Variants in RAP1B observed in about 807,000 individuals in gnomAD.
RAP1B encodes the protein RAP1B, member of RAS oncogene family.
Under a neutral mutation model 27.5 loss-of-function variants are expected in RAP1B, and 1 was observed. The observed-to-expected ratio is 0.04, with a 90% CI of 0.01 to 0.17. RAP1B has a LOEUF of 0.17. Among genes scored for constraint, RAP1B ranks in the 10% least tolerant of loss-of-function variants. The pLI is 1.00. For missense variants in RAP1B, 84 were observed against 214.8 expected, an observed-to-expected ratio of 0.39 and a Z score of 3.81; for synonymous variants, 75 against 73.1, an observed-to-expected ratio of 1.03 and a Z score of -0.13.
At chr12:68,637,346 C>A (rs1470441442) in intron 1 of RAP1B, among the ~76,000 whole-genome samples, 1 of 152,026 alleles carries the variant, frequency 6.6e-6, no homozygotes, top group Non-Finnish European at 1.5e-5. Flanking sequence ...GCCTGTAATC[C>A]CAGCACTTTG....
intron 1 of RAP1B, among the ~76,000 whole-genome samples, chr12:68,627,652 C>CCAAACTACAT (rs563357543): frequency 1.9e-3 from 293 of 152,200 alleles, no homozygotes; most frequent in African/African-American, 6.5e-3. Context: ...CCCATACCAG[C>CCAAACTACAT]CAAACTACAT....
intron 1 of RAP1B, among the ~76,000 whole-genome samples, chr12:68,638,595 ATATT>A (rs1338938851): frequency 7.2e-5 from 11 of 152,204 alleles, no homozygotes. Context: ...TAGAGAAATA[ATATT>A]TAGATTATAT....
At position 68,610,954 on chromosome 12, in the gene RAP1B, C is replaced by T. The variant is rs999875387; in HGVS notation, c.-116C>T. The T allele has an allele frequency of 1.3e-5, 4 of 312,730 alleles. No homozygotes were observed. The highest frequency in any genetic ancestry group is 4.5e-5 in the East Asian group (1 of 22,056). The allele number at this position is 312,730 out of a possible 1,614,324, so 19.4% of individuals were successfully genotyped here. ...GTGTAAACCAGCCGGAGCGGCGCGG[C>T]AGCGGCAGGACCGCCGTGGCGCCTA... On this transcript the variant is annotated 5_prime_UTR_variant, in exon 1 of 8. Coordinates refer to ENST00000250559, the MANE Select transcript of RAP1B (RefSeq NM_001010942.3).
At chr12:68,634,676 A>G (rs1244098966) in intron 1 of RAP1B, among the ~76,000 whole-genome samples, 3 of 152,164 alleles carry the variant, frequency 2.0e-5, no homozygotes, top group Non-Finnish European at 4.4e-5. Context: ...CGGCTGAGAA[A>G]TCTATTAAAC....
rs576308933 is a variant in RAP1B at position 68,616,735 on chromosome 12, G to T, written c.-27+5692G>T. On this transcript the variant is annotated intron_variant, in intron 1 of 7. Transcript: ENST00000250559. Reference sequence around the variant, plus strand: ...AGGCATGAGCCACCGCGCCCGGCCAGGTTTTGTATTTTTTGTAGAGACGTT... The same window carrying T: ...AGGCATGAGCCACCGCGCCCGGCCATGTTTTGTATTTTTTGTAGAGACGTT... Among the ~76,000 whole-genome samples the T allele has an allele frequency of 6.5e-4, 99 of 151,932 alleles. 1 individual carries two copies. Among genetic ancestry groups the T allele is most frequent in the African/African-American group, 2.2e-3 (93 of 41,410 alleles).
intron 1 of RAP1B, among the ~76,000 whole-genome samples, chr12:68,623,818 C>G (rs566053493): frequency 1.3e-5 from 2 of 152,176 alleles, no homozygotes; most frequent in Admixed American, 1.3e-4. Context: ...GTCAGGAGAT[C>G]GAGACCATCC....
In RAP1B at chr12:68,664,231, G is replaced by GATCAAAAGCCTCTA. The variant is rs1475989632; in HGVS notation, c.*4985_*4998dup. ...AGGTTTCAGTTTTTAAATAGGCAGAGATCAAAAGCCTCTAATGTTTTTGTC... is the reference window on the plus strand; with the variant it reads ...AGGTTTCAGTTTTTAAATAGGCAGAGATCAAAAGCCTCTAATCAAAAGCCTCTAATGTTTTTGTC... On this transcript the variant is annotated 3_prime_UTR_variant, in exon 8 of 8. Coordinates refer to ENST00000250559, the MANE Select transcript of RAP1B (RefSeq NM_001010942.3). The GATCAAAAGCCTCTA allele has an allele frequency of 6.6e-6, 1 of 152,128 alleles. No homozygotes were observed. The highest frequency in any genetic ancestry group is 2.4e-5 in the African/African-American group (1 of 41,426). The allele number at this position is 152,128 out of a possible 1,614,324, so 9.4% of individuals were successfully genotyped here.
rs535461606 is a variant in RAP1B at position 68,635,097 on chromosome 12, G to A, written c.-26-13602G>A. On this transcript the variant is annotated intron_variant, in intron 1 of 7. Transcript: ENST00000250559. ...TCCATGTGTCCTCATTATGAGAGAG[G>A]CAGACAACTCAAAGTAAATATGATA... 3.3e-5 allele frequency among the ~76,000 whole-genome samples: 5 copies of A among 152,304 alleles called. No homozygotes were observed. In the South Asian group the frequency reaches 8.3e-4, roughly 25 times the overall value.
In RAP1B at chr12:68,663,062, C is replaced by CT. The variant is rs1278401980; in HGVS notation, c.*3818dup. ...ACACATTTGAATTTTCTTTTTTTTT[C>CT]TTTTTCTTTTTTTTTTTTGAGACTG... On this transcript the variant is annotated 3_prime_UTR_variant, in exon 8 of 8. Coordinates refer to ENST00000250559, the MANE Select transcript of RAP1B (RefSeq NM_001010942.3). 6.7e-6 allele frequency: 1 copy of CT among 150,208 alleles called. No homozygotes were observed. The highest frequency in any genetic ancestry group is 1.5e-5 in the Non-Finnish European group (1 of 67,560). The allele number at this position is 150,208 out of a possible 1,614,324, so 9.3% of individuals were successfully genotyped here. A position where few individuals can be genotyped will look rare whatever the true frequency, so the allele number is the denominator to read the frequency against.
chr12:68,624,511 A>G (rs1871608789), intron 1 of RAP1B: 1 of 152,180 alleles, frequency 6.6e-6, no homozygotes, highest in Non-Finnish European at 1.5e-5. Flanking sequence ...TCCTCAGACC[A>G]GACACGGTGG....
At chr12:68,628,922 C>T (rs954881510) in intron 1 of RAP1B, among the ~76,000 whole-genome samples, 1 of 152,176 alleles carries the variant, frequency 6.6e-6, no homozygotes, top group Non-Finnish European at 1.5e-5. Flanking sequence ...GGATTCTAAT[C>T]CTAAATCTAC....
At position 68,661,779 on chromosome 12, in the gene RAP1B, A is replaced by G. The variant is rs1052050056; in HGVS notation, c.*2530A>G. The stretch of plus-strand genomic sequence containing the variant: ...TGAAGAACTACTGCTCTGGTGGGAA[A>G]CAACACATTAGTTACAGATGAGTGT... On this transcript the variant is annotated 3_prime_UTR_variant, in exon 8 of 8. Transcript: ENST00000250559. 6.6e-6 allele frequency: 1 copy of G among 152,040 alleles called. No homozygotes were observed. Among genetic ancestry groups the G allele is most frequent in the Non-Finnish European group, 1.5e-5 (1 of 68,014 alleles). The allele number at this position is 152,040 out of a possible 1,614,324, so 9.4% of individuals were successfully genotyped here. A position where few individuals can be genotyped will look rare whatever the true frequency, so the allele number is the denominator to read the frequency against.
At chr12:68,656,928 C>G (rs1420059040) in intron 6 of RAP1B, among the ~76,000 whole-genome samples, 173 bp from the exon 7 acceptor site, 1 of 152,152 alleles carries the variant, frequency 6.6e-6, no homozygotes, top group Non-Finnish European at 1.5e-5. Context: ...ATTAACACTC[C>G]CCAAAAATTT....
Position 68,669,318 on chromosome 12 carries a change from G to A in RAP1B, c.*10069G>A, listed in dbSNP as rs987725522. The A allele has an allele frequency of 1.1e-4, 16 of 152,252 alleles. No individual in the cohort carries two copies. Among genetic ancestry groups the A allele is most frequent in the African/African-American group, 3.8e-4 (16 of 41,570 alleles). 9.4% of individuals were successfully genotyped at this position (152,252 alleles called of 1,614,324 possible). On this transcript the variant is annotated 3_prime_UTR_variant, in exon 8 of 8. Coordinates refer to ENST00000250559, the MANE Select transcript of RAP1B (RefSeq NM_001010942.3). ...TAAAAATATCAATTCCCCCAAATTA[G>A]CATGTTAATGTATAATGATTACAAT...
At chr12:68,613,435 C>T (rs571378703) in intron 1 of RAP1B, among the ~76,000 whole-genome samples, 2 of 151,034 alleles carry the variant, frequency 1.3e-5, no homozygotes, top group South Asian at 2.1e-4. Flanking sequence ...TTGCTCTGCT[C>T]TCTTTTACAT....
intron 1 of RAP1B, among the ~76,000 whole-genome samples, chr12:68,620,333 C>G (rs1871306292): frequency 6.6e-6 from 1 of 151,976 alleles, no homozygotes; most frequent in African/African-American, 2.4e-5. Context: ...AAGCGATTCT[C>G]TTGCCTCAGC....
chr12:68,637,879 T>C (rs530427540), intron 1 of RAP1B, among the ~76,000 whole-genome samples: 1 of 152,176 alleles, frequency 6.6e-6, no homozygotes, highest in Non-Finnish European at 1.5e-5. Flanking sequence ...TGGTTTCATC[T>C]TCTTAAAATG....
chr12:68,627,573 CTT>C (rs1029117363), intron 1 of RAP1B, among the ~76,000 whole-genome samples: 157 of 152,154 alleles, frequency 1.0e-3, no homozygotes, highest in African/African-American at 3.7e-3. Flanking sequence ...CCCAGCGTGA[CTT>C]TTGTTTTACC....
intron 1 of RAP1B, chr12:68,642,781 C>T (rs953295660): frequency 9.5e-6 from 10 of 1,047,904 alleles, no homozygotes; most frequent in African/African-American, 6.1e-5. Flanking sequence ...CATTAAACTT[C>T]TTAAAGTCAT....
Sources: allele counts gnomAD v4.1 joint callset (sites outside exome capture counted in the v4.1 genomes callset), GRCh38; gene constraint gnomAD v4.1.1; transcripts MANE v1.5; gene names NCBI Gene and HGNC (gene_info 2026-07-23, HGNC 2026-07-21).